PHACTR1: variants seen among roughly 807,000 people sequenced by gnomAD.
PHACTR1 encodes RPEL repeat containing 1.
A neutral mutation model predicts 69.2 loss-of-function variants in PHACTR1; 16 were observed. The observed-to-expected ratio is 0.23, with a 90% CI of 0.16 to 0.35. The LOEUF is 0.35. PHACTR1 is among the 10% of genes least tolerant of loss of function. The probability of loss-of-function intolerance (pLI) is 1.00; values close to 1 mark genes in which losing one functional copy is unlikely to be tolerated. For synonymous variants in PHACTR1, 312 were observed against 284.5 expected (o/e 1.10, Z -0.97); for missense variants, 510 against 734.7 (o/e 0.69, Z 3.54).
At chr6:13,097,715 T>G (rs1288392044) in intron 5 of PHACTR1, among the ~76,000 whole-genome samples, 1 of 152,104 alleles carries the variant, frequency 6.6e-6, no homozygotes, top group African/African-American at 2.4e-5. Flanking sequence ...AGCCATCCTA[T>G]TATGTTTGTC....
At chr6:13,227,768 G>A (rs767233988) in intron 8 of PHACTR1, 48 bp from the exon 9 acceptor site, 6 of 1,596,070 alleles carry the variant, frequency 3.8e-6, no homozygotes, top group Non-Finnish European at 5.1e-6. Context: ...CATTTATATA[G>A]CACGTTAGCC....
intron 5 of PHACTR1, among the ~76,000 whole-genome samples, chr6:13,055,470 T>G (rs1376316327): frequency 2.0e-5 from 3 of 152,194 alleles, no homozygotes; most frequent in Non-Finnish European, 2.9e-5. Flanking sequence ...CAAAGTAAGA[T>G]GTAAGACACT....
intron 7 of PHACTR1, among the ~76,000 whole-genome samples, chr6:13,198,709 A>G (rs1348869653): frequency 6.6e-6 from 1 of 152,134 alleles, no homozygotes; most frequent in Non-Finnish European, 1.5e-5. Flanking sequence ...GTCGGGCCAC[A>G]TTCAAAGCTG....
intron 5 of PHACTR1, among the ~76,000 whole-genome samples, chr6:13,116,565 T>A (rs988783412): frequency 1.3e-5 from 2 of 152,218 alleles, no homozygotes; most frequent in African/African-American, 4.8e-5. Context: ...GGGGAGGGGC[T>A]GTGTGAGGCT....
At chr6:13,109,827 T>C (rs977959195) in intron 5 of PHACTR1, among the ~76,000 whole-genome samples, 1 of 143,960 alleles carries the variant, frequency 6.9e-6, no homozygotes, top group Non-Finnish European at 1.5e-5. Context: ...TGTTCAATTT[T>C]TTCAGCGTGT....
At chr6:12,942,360 T>C (rs924965144) in intron 4 of PHACTR1, among the ~76,000 whole-genome samples, 1 of 152,198 alleles carries the variant, frequency 6.6e-6, no homozygotes, top group African/African-American at 2.4e-5. Context: ...ACTTTTTGAG[T>C]ATTTATTGCC....
intron 8 of PHACTR1, among the ~76,000 whole-genome samples, chr6:13,227,376 A>G (rs777794031): frequency 6.6e-6 from 1 of 152,200 alleles, no homozygotes; most frequent in Non-Finnish European, 1.5e-5. Context: ...CTGTAGCTTC[A>G]CTATCAAATT....
intron 4 of PHACTR1, among the ~76,000 whole-genome samples, chr6:12,803,755 C>T (rs1245980950): frequency 6.6e-6 from 1 of 152,178 alleles, no homozygotes; most frequent in Non-Finnish European, 1.5e-5. Flanking sequence ...TCGTGCCTTG[C>T]AGGTTATTTA....
chr6:12,975,932 G>A (rs1306381769), intron 4 of PHACTR1, among the ~76,000 whole-genome samples: 9 of 152,322 alleles, frequency 5.9e-5, no homozygotes, highest in African/African-American at 1.2e-4. Context: ...AAAATGGGCC[G>A]ATTGGTCTTA....
intron 4 of PHACTR1, among the ~76,000 whole-genome samples, chr6:12,867,933 C>T (rs1781623142): frequency 6.6e-6 from 1 of 152,054 alleles, no homozygotes; most frequent in African/African-American, 2.4e-5. Flanking sequence ...AGTTCCACAC[C>T]AATCCATAGA....
intron 4 of PHACTR1, among the ~76,000 whole-genome samples, chr6:12,984,889 G>A (rs2127597223): frequency 6.6e-6 from 1 of 152,280 alleles, no homozygotes; most frequent in African/African-American, 2.4e-5. Context: ...GATTTTTATA[G>A]CACATTCATG....
At chr6:12,809,328 C>CTA (rs1774757647) in intron 4 of PHACTR1, among the ~76,000 whole-genome samples, 1 of 152,156 alleles carries the variant, frequency 6.6e-6, no homozygotes, top group Admixed American at 6.5e-5. Flanking sequence ...ATCAATCACC[C>CTA]TAGTGCAGGA....
intron 4 of PHACTR1, among the ~76,000 whole-genome samples, chr6:12,913,629 G>A (rs888979055): frequency 4.6e-5 from 7 of 152,090 alleles, no homozygotes; most frequent in Non-Finnish European, 1.0e-4. Flanking sequence ...ATAATGCATC[G>A]CACATTTATC....
intron 5 of PHACTR1, among the ~76,000 whole-genome samples, chr6:13,075,829 T>C (rs1327973488): frequency 1.6e-4 from 24 of 152,134 alleles, no homozygotes; most frequent in Admixed American, 1.6e-3. Flanking sequence ...CCAAATGATC[T>C]TTCTGCCCTC....
intron 4 of PHACTR1, among the ~76,000 whole-genome samples, chr6:12,877,151 C>G (rs567850376): frequency 2.0e-5 from 3 of 152,256 alleles, no homozygotes; most frequent in African/African-American, 4.8e-5. Context: ...CTCTGAGCAC[C>G]CTGTGGCCCA....
chr6:13,044,752 A>G (rs1804757327), intron 4 of PHACTR1, among the ~76,000 whole-genome samples: 1 of 152,150 alleles, frequency 6.6e-6, no homozygotes, highest in South Asian at 2.1e-4. Flanking sequence ...TTTCCCCTAT[A>G]CACGATGGTT....
intron 4 of PHACTR1, among the ~76,000 whole-genome samples, chr6:12,783,254 T>C (rs1771059949): frequency 1.3e-5 from 2 of 152,244 alleles, no homozygotes; most frequent in African/African-American, 4.8e-5. Flanking sequence ...ACTCATTTTG[T>C]TGTGCACAGG....
At chr6:12,920,654 G>A (rs148884052) in intron 4 of PHACTR1, among the ~76,000 whole-genome samples, 1 of 152,330 alleles carries the variant, frequency 6.6e-6, no homozygotes, top group East Asian at 1.9e-4. Flanking sequence ...TTCATAAATT[G>A]TAGAATTATG....
chr6:13,224,326 A>G (rs1769212877), intron 8 of PHACTR1, among the ~76,000 whole-genome samples: 1 of 152,228 alleles, frequency 6.6e-6, no homozygotes, highest in Non-Finnish European at 1.5e-5. Flanking sequence ...TGAGAGAGAA[A>G]TAGGAATGAA....
Sources: allele counts gnomAD v4.1 joint callset (sites outside exome capture counted in the v4.1 genomes callset), GRCh38; gene constraint gnomAD v4.1.1; transcripts MANE v1.5; gene names NCBI Gene and HGNC (gene_info 2026-07-23, HGNC 2026-07-21).